The following ZNF558 variants were observed in gnomAD, a reference collection of about 807,000 sequenced individuals.
ZNF558 encodes zinc finger protein 558.
In ZNF558, 23 loss-of-function variants were observed where a neutral mutation model predicts 37.6. The observed-to-expected ratio is 0.61, with a 90% confidence interval of 0.44 to 0.87. ZNF558 has a LOEUF of 0.87. ZNF558 is among the 40% of genes least tolerant of loss of function. The pLI, the probability that ZNF558 is intolerant of heterozygous loss-of-function variation, is 0.00. For synonymous variants in ZNF558, 189 were observed against 174.4 expected (o/e 1.08, Z -0.66); for missense variants, 429 against 483.7 (o/e 0.89, Z 1.06).
At chr19:8,837,568 A>T in the ZNF558 span, among the ~76,000 whole-genome samples, 2 of 152,174 alleles carry the variant, frequency 1.3e-5, no homozygotes, top group East Asian at 3.9e-4. Flanking sequence ...GTGGCTAGAA[A>T]CTTCTCTGGC....
Position 8,822,704 on chromosome 19 carries a change from C to A in ZNF558, c.-45G>T. The A allele has an allele frequency of 6.2e-7, 1 of 1,613,930 alleles. No homozygotes were observed. The highest frequency in any genetic ancestry group is 8.5e-7 in the Non-Finnish European group (1 of 1,179,976). On this transcript the variant is annotated 5_prime_UTR_variant, in exon 5 of 10. Transcript: ENST00000601372. This position sits in a 1 kb window ranked among gnomAD's most constrained non-coding sequence, Gnocchi z 4.4. ...CAGGGCAGCCGGGAAGCAGGACGCT[C>A]CTCCTTTATCCCGCAGCGCTCTGGA...
rs915893287 is a variant in ZNF558, at chr19:8,821,105, T to TA, written c.247+74dup. On this transcript the variant is annotated intron_variant, in intron 7 of 9. Transcript: ENST00000601372. The stretch of plus-strand genomic sequence containing the variant: ...TTATGTTGTATGGATTTTACCACAA[T>TA]AAAAAAAGTAAGCAAAGCAGGCAAG... 20 of 1,556,222 alleles carry TA rather than the reference T, an allele frequency of 1.3e-5. 1 individual carries two copies. In the South Asian group the frequency reaches 1.3e-4, roughly 10 times the overall value.
At position 8,822,192 on chromosome 19, in the gene ZNF558, G is replaced by A; in HGVS notation, c.32-101C>T. ...CACCTCCCACACCCACACGGATGAG[G>A]CACCACACAGTGCCCACCTACGCTC... On this transcript the variant is annotated intron_variant, in intron 5 of 9. Transcript: ENST00000601372. This position sits in a 1 kb window ranked among gnomAD's most constrained non-coding sequence, Gnocchi z 4.4. 1 of 1,420,994 alleles carries A rather than the reference G, an allele frequency of 7.0e-7. No homozygotes were observed. The highest frequency in any genetic ancestry group is 9.7e-7 in the Non-Finnish European group (1 of 1,026,172). 88.0% of individuals were successfully genotyped at this position (1,420,994 alleles called of 1,614,324 possible).
chr19:8,811,949 CAT>C lies in ZNF558; in HGVS notation c.539_540del (p.Tyr180Ter), dbSNP rs1393654019. ...AAGGACTTCCCACATTGACTACAGTCATAGGGTTTTTCTCCAGTATGAATTCT... is the reference window on the plus strand; with the variant it reads ...AAGGACTTCCCACATTGACTACAGTCAGGGTTTTTCTCCAGTATGAATTCT... ...HKRIHTGEKPYDCSQCGKSFS... is the reference protein window; with the variant it reads ...HKRIHTGEKPXDCSQCGKSFS... On this transcript the variant is annotated frameshift_variant, in exon 10 of 10. Coordinates refer to ENST00000601372, the MANE Select transcript of ZNF558 (RefSeq NM_144693.3). LOFTEE classifies it high-confidence loss of function. 1 of 1,614,086 alleles carries C rather than the reference CAT, an allele frequency of 6.2e-7. No homozygotes were observed. The highest frequency in any genetic ancestry group is 1.1e-5 in the South Asian group (1 of 91,046).
chr19:8,810,964 A>T lies in ZNF558; in HGVS notation c.*317T>A. ...TGACAACAACCAACATCAACTTTCC[A>T]GGCATGTGAATAAGTCATCTTGGAA... On this transcript the variant is annotated 3_prime_UTR_variant, in exon 10 of 10. Coordinates refer to ENST00000601372, the MANE Select transcript of ZNF558 (RefSeq NM_144693.3). The T allele has an allele frequency of 4.6e-6, 1 of 219,236 alleles. No individual in the cohort carries two copies. The highest frequency in any genetic ancestry group is 9.1e-6 in the Non-Finnish European group (1 of 110,478). 13.6% of individuals were successfully genotyped at this position (219,236 alleles called of 1,614,324 possible). A position where few individuals can be genotyped will look rare whatever the true frequency, so the allele number is the denominator to read the frequency against.
At chr19:8,826,589 C>G (rs1038508744) in intron 2 of ZNF558, among the ~76,000 whole-genome samples, 1 of 152,044 alleles carries the variant, frequency 6.6e-6, no homozygotes, top group Non-Finnish European at 1.5e-5. Flanking sequence ...GGTGGTAATG[C>G]GAGCAATGAG....
chr19:8,817,527 C>G (rs1449724067), intron 7 of ZNF558, among the ~76,000 whole-genome samples: 1 of 120,508 alleles, frequency 8.3e-6, no homozygotes, highest in African/African-American at 2.9e-5. Flanking sequence ...GAATTAAATG[C>G]ATTTTTGACT....
In ZNF558 at chr19:8,813,587, G is replaced by C. The variant is rs577988390; in HGVS notation, c.248-365C>G. Among the ~76,000 whole-genome samples the C allele has an allele frequency of 3.3e-5, 5 of 152,244 alleles. No individual in the cohort carries two copies. The East Asian group carries it at 9.7e-4, about 29-fold the overall frequency. The stretch of plus-strand genomic sequence containing the variant: ...TTGGCCAGGCAGGTCTTGATCTCTT[G>C]ATCTCCTGGCCTCGTGATCCACCCA... On this transcript the variant is annotated intron_variant, in intron 7 of 9. Transcript: ENST00000601372.
At chr19:8,827,392 C>T (rs551025468) in intron 2 of ZNF558, among the ~76,000 whole-genome samples, 1 of 152,084 alleles carries the variant, frequency 6.6e-6, no homozygotes, top group East Asian at 1.9e-4. Flanking sequence ...TAAATGTCTT[C>T]CTTCTGAATC....
chr19:8,822,607 A>C lies in ZNF558; in HGVS notation c.31+22T>G. On this transcript the variant is annotated intron_variant, in intron 5 of 9. Transcript: ENST00000601372. This position sits in a 1 kb window ranked among gnomAD's most constrained non-coding sequence, Gnocchi z 4.4. ...ACCTTTCAAGGCTGGACTCTGAGAA[A>C]TGTCAGGACCCCACGACTCACCAGC... The C allele has an allele frequency of 6.2e-7, 1 of 1,613,988 alleles. No individual in the cohort carries two copies. Among genetic ancestry groups the C allele is most frequent in the Non-Finnish European group, 8.5e-7 (1 of 1,179,896 alleles).
intron 1 of ZNF558, among the ~76,000 whole-genome samples, 198 bp from the exon 2 acceptor site, chr19:8,831,599 G>C (rs969356161): frequency 1.3e-5 from 2 of 152,220 alleles, no homozygotes; most frequent in African/African-American, 4.8e-5. Flanking sequence ...CGTAAGAGGG[G>C]AGAAAGCAGC....
intron 7 of ZNF558, among the ~76,000 whole-genome samples, chr19:8,816,271 C>T (rs1217197050): frequency 1.3e-5 from 2 of 152,140 alleles, no homozygotes; most frequent in Admixed American, 1.3e-4. Flanking sequence ...CCAAGTTGCC[C>T]AGGCTGGTCT....
rs2043734384 is a variant in ZNF558 at position 8,809,485 on chromosome 19, CCAA to C, written c.*1793_*1795del. On this transcript the variant is annotated 3_prime_UTR_variant, in exon 10 of 10. Transcript: ENST00000601372. ...AAGAGAACGGACACTGGGAAAGAAA[CCAA>C]CAGTATTTGGCATACCAAGATAGAG... 6.6e-6 allele frequency: 1 copy of C among 152,104 alleles called. No individual in the cohort carries two copies. Among genetic ancestry groups the C allele is most frequent in the African/African-American group, 2.4e-5 (1 of 41,416 alleles). 9.4% of individuals were successfully genotyped at this position (152,104 alleles called of 1,614,324 possible).
intron 7 of ZNF558, among the ~76,000 whole-genome samples, chr19:8,814,724 C>T (rs250313): frequency 0.85 from 130,052 of 152,122 alleles, 56,012 homozygotes; most frequent in African/African-American, 0.96. Context: ...ACAGAGCCCA[C>T]GTAAAGAGAC....
chr19:8,815,294 C>T (rs1035361619), intron 7 of ZNF558, among the ~76,000 whole-genome samples: 2 of 151,788 alleles, frequency 1.3e-5, no homozygotes, highest in Non-Finnish European at 2.9e-5. Flanking sequence ...AAAATAGGTA[C>T]AACTATGGCA....
chr19:8,817,178 C>T (rs965760377), intron 7 of ZNF558, among the ~76,000 whole-genome samples: 1 of 152,088 alleles, frequency 6.6e-6, no homozygotes, highest in African/African-American at 2.4e-5. Flanking sequence ...TAGCTCCTTC[C>T]TTATCAGTAA....
chr19:8,830,500 G>A (rs944201105), intron 2 of ZNF558, among the ~76,000 whole-genome samples: 1 of 151,970 alleles, frequency 6.6e-6, no homozygotes, highest in African/African-American at 2.4e-5. Context: ...ACATCTGGTC[G>A]CCGGTCAATT....
intron 7 of ZNF558, among the ~76,000 whole-genome samples, chr19:8,816,269 C>T (rs1482118956): frequency 6.6e-6 from 1 of 152,076 alleles, no homozygotes; most frequent in Non-Finnish European, 1.5e-5. Context: ...GTCCAAGTTG[C>T]CCAGGCTGGT....
rs1306784655 is a variant in ZNF558 at position 8,822,068 on chromosome 19, A to C, written c.55T>G (p.Ser19Ala). The C allele has an allele frequency of 6.2e-7, 1 of 1,613,954 alleles. No homozygotes were observed. The highest frequency in any genetic ancestry group is 8.5e-7 in the Non-Finnish European group (1 of 1,179,982). The change falls in exon 6 of 10, where the codon TCT becomes GCT. Residue 19 changes from serine to alanine, a missense_variant. Coordinates refer to ENST00000601372, the MANE Select transcript of ZNF558 (RefSeq NM_144693.3). The surrounding 1 kb of genome is among the most constrained non-coding windows in gnomAD (Gnocchi z 4.4). ...CCCTGTGTGTGTCCTTTTTGCTGAG[A>C]GGCTGGGAACAGGGAAGACGGAGCT... ...TAAPSSLFPASQQKGHTQGGE... is the reference protein window; with the variant it reads ...TAAPSSLFPAAQQKGHTQGGE...
Sources: gnomAD v4.1 joint callset for allele counts (sites outside exome capture counted in the v4.1 genomes callset) on GRCh38, gnomAD v4.1.1 for gene constraint, Gnocchi (gnomAD v3.1) non-coding constraint, MANE v1.5 for transcripts, NCBI Gene and HGNC (gene_info 2026-07-23, HGNC 2026-07-21) for gene names.